The following MAF variants were observed in gnomAD, a reference collection of about 807,000 sequenced individuals.
The protein encoded by MAF is transcription factor Maf.
Under a neutral mutation model 22.0 loss-of-function variants are expected in MAF, and 10 were observed. The ratio of observed to expected loss-of-function variants is 0.45; its 90% CI spans 0.28 to 0.77. The LOEUF (loss-of-function observed/expected upper bound fraction) is 0.77, where lower values mean the gene tolerates loss of function less well. Among genes scored for constraint, MAF ranks in the 30% least tolerant of loss-of-function variants. The pLI, the probability that MAF is intolerant of heterozygous loss-of-function variation, is 0.12. For missense variants in MAF, 544 were observed against 548.4 expected (o/e 0.99, Z 0.08); for synonymous variants, 337 against 255.8 (o/e 1.32, Z -3.03).
chr16:79,459,543 T>C, the MAF span, among the ~76,000 whole-genome samples: 1 of 152,088 alleles, frequency 6.6e-6, no homozygotes, highest in African/African-American at 2.4e-5. Context: ...CACTTCCCAT[T>C]GCTCTTTATT....
chr16:79,334,358 G>A, the MAF span, among the ~76,000 whole-genome samples: 6 of 152,134 alleles, frequency 3.9e-5, no homozygotes, highest in African/African-American at 1.2e-4. Context: ...AATCCACACC[G>A]TACAGTCCCA....
Position 79,599,402 on chromosome 16 carries a change from C to G in MAF, c.501G>C (p.Val167=). 3 of 1,111,810 alleles carry G rather than the reference C, an allele frequency of 2.7e-6. No individual in the cohort carries two copies. Among genetic ancestry groups the G allele is most frequent in the Non-Finnish European group, 3.3e-6 (3 of 912,738 alleles). The allele number at this position is 1,111,810 out of a possible 1,614,324, so 68.9% of individuals were successfully genotyped here. ...CGCTCTGCGCGGCGGCCGCGGCGAT[C>G]ACGGCGGACACCACGGCGGCGGCGG... ...MGPAAAVVSA[V]IAAAAAQSGA... is the part of the protein sequence containing the mutation. The change falls in exon 1 of 2, where the codon GTG becomes GTC. Residue 167 remains valine, a synonymous_variant. Coordinates refer to ENST00000326043, the MANE Select transcript of MAF (RefSeq NM_005360.5).
chr16:79,466,869 T>A, the MAF span, among the ~76,000 whole-genome samples: 1 of 152,186 alleles, frequency 6.6e-6, no homozygotes, highest in East Asian at 1.9e-4. Flanking sequence ...GCTGCAGTGT[T>A]CCATATGGAC....
chr16:79,443,622 C>T, the MAF span, among the ~76,000 whole-genome samples: 1,507 of 152,334 alleles, frequency 9.9e-3, 10 homozygotes, highest in Non-Finnish European at 0.017. Context: ...CAAATCCTAA[C>T]AAAATAATAT....
At chr16:79,448,536 C>T in the MAF span, among the ~76,000 whole-genome samples, 1 of 152,018 alleles carries the variant, frequency 6.6e-6, no homozygotes, top group African/African-American at 2.4e-5. Context: ...GGCAATTATC[C>T]TGTCTCAGCC....
chr16:79,550,660 C>T, the MAF span, among the ~76,000 whole-genome samples: 1 of 152,170 alleles, frequency 6.6e-6, no homozygotes, highest in Non-Finnish European at 1.5e-5. Flanking sequence ...ATATCTCACT[C>T]ACTGCCTTTG....
the MAF span, among the ~76,000 whole-genome samples, chr16:79,500,112 C>T: frequency 1.3e-5 from 2 of 152,278 alleles, no homozygotes; most frequent in Admixed American, 1.3e-4. Flanking sequence ...GAACCATGAC[C>T]CCGCTGACAC....
chr16:79,531,134 T>C, the MAF span, among the ~76,000 whole-genome samples: 2 of 152,332 alleles, frequency 1.3e-5, no homozygotes, highest in Non-Finnish European at 2.9e-5. Context: ...GGGACTAACA[T>C]GAGACATTTT....
the MAF span, among the ~76,000 whole-genome samples, chr16:79,300,918 GT>G: frequency 6.6e-6 from 1 of 152,018 alleles, no homozygotes; most frequent in African/African-American, 2.4e-5. Context: ...AAATGCTTGT[GT>G]GTGGGTTTTC....
At chr16:79,375,250 G>A in the MAF span, among the ~76,000 whole-genome samples, 1 of 152,200 alleles carries the variant, frequency 6.6e-6, no homozygotes, top group East Asian at 1.9e-4. Flanking sequence ...TCACAGGGAA[G>A]GATCTTTAGA....
chr16:79,207,966 G>T, the MAF span, among the ~76,000 whole-genome samples: 16 of 152,242 alleles, frequency 1.1e-4, no homozygotes, highest in African/African-American at 3.9e-4. Context: ...AGTTTTGGAA[G>T]GATGGATAAT....
chr16:79,513,694 G>C, the MAF span, among the ~76,000 whole-genome samples: 1 of 152,150 alleles, frequency 6.6e-6, no homozygotes, highest in South Asian at 2.1e-4. Flanking sequence ...AGCTTGTTGA[G>C]CTTATTGAGC....
the MAF span, among the ~76,000 whole-genome samples, chr16:79,458,900 C>A: frequency 6.6e-6 from 1 of 152,168 alleles, no homozygotes; most frequent in Non-Finnish European, 1.5e-5. Context: ...TGCAGAGATG[C>A]TAAACAAGCT....
chr16:79,459,524 A>G, the MAF span, among the ~76,000 whole-genome samples: 2 of 152,072 alleles, frequency 1.3e-5, no homozygotes. Flanking sequence ...AACATCTAGA[A>G]GGAAAAGTCA....
At chr16:79,521,566 C>A in the MAF span, among the ~76,000 whole-genome samples, 1 of 152,154 alleles carries the variant, frequency 6.6e-6, no homozygotes, top group African/African-American at 2.4e-5. Context: ...CTGAACAAGA[C>A]CCTCCTTCTT....
the MAF span, among the ~76,000 whole-genome samples, chr16:79,332,305 AT>A: frequency 0.014 from 2,104 of 150,566 alleles, 31 homozygotes; most frequent in African/African-American, 0.044. Flanking sequence ...TAATAATAAT[AT>A]TTTTTTTTTC....
the MAF span, among the ~76,000 whole-genome samples, chr16:79,240,956 G>A: frequency 1.2e-4 from 18 of 152,110 alleles, no homozygotes; most frequent in East Asian, 5.8e-4. Flanking sequence ...GGGCCTTACC[G>A]ATAGAAGAAA....
chr16:79,203,363 T>C, the MAF span: 1 of 152,206 alleles, frequency 6.6e-6, no homozygotes, highest in African/African-American at 2.4e-5. Flanking sequence ...CGATTTGAAA[T>C]AGCGGGGCTG....
the MAF span, among the ~76,000 whole-genome samples, chr16:79,417,220 G>A: frequency 6.6e-6 from 1 of 152,078 alleles, no homozygotes; most frequent in African/African-American, 2.4e-5. Context: ...ATGGACTCTG[G>A]GTGCATTTCT....
Sources: gnomAD v4.1 joint callset for allele counts (sites outside exome capture counted in the v4.1 genomes callset) on GRCh38, gnomAD v4.1.1 for gene constraint, MANE v1.5 for transcripts, NCBI Gene and HGNC (gene_info 2026-07-23, HGNC 2026-07-21) for gene names.